Variants in NUP98 observed in about 807,000 individuals in gnomAD.
NUP98 encodes nuclear pore complex protein Nup98-Nup96.
NUP98 carries 26 observed loss-of-function variants against 191.9 expected under a neutral mutation model. The observed-to-expected ratio is 0.14, with a 90% CI of 0.10 to 0.19. The LOEUF (loss-of-function observed/expected upper bound fraction) is 0.19. NUP98 is among the 10% of genes least tolerant of loss of function. The pLI is 1.00. For missense variants in NUP98, 1,941 were observed against 2,178.8 expected (o/e 0.89, Z 2.17); for synonymous variants, 808 against 778.4 (o/e 1.04, Z -0.63).
intron 28 of NUP98, among the ~76,000 whole-genome samples, chr11:3,689,513 C>A: frequency 6.6e-6 from 1 of 151,672 alleles, no homozygotes; most frequent in African/African-American, 2.4e-5. Flanking sequence ...GGCAACTGAG[C>A]AAGAGAGTCT....
At chr11:3,766,661 C>T (rs1050821595) in intron 8 of NUP98, among the ~76,000 whole-genome samples, 2 of 146,458 alleles carry the variant, frequency 1.4e-5, no homozygotes, top group Non-Finnish European at 3.0e-5. Context: ...TACACTCCAG[C>T]CTGGGCGACA....
intron 8 of NUP98, among the ~76,000 whole-genome samples, chr11:3,766,237 T>C (rs1029282018): frequency 6.6e-6 from 1 of 151,982 alleles, no homozygotes; most frequent in Admixed American, 6.6e-5. Context: ...TAGCTGGACA[T>C]GGTGGTGCAC....
At position 3,675,421 on chromosome 11, in the gene NUP98, G is replaced by T. The variant is rs147341580; in HGVS notation, c.*738C>A. On this transcript the variant is annotated 3_prime_UTR_variant, in exon 33 of 33. Coordinates refer to ENST00000324932, the MANE Select transcript of NUP98 (RefSeq NM_016320.5). ...GCAGGCAAATCCAGACAGAGTCTCA[G>T]CAAGACTGAAAACCAGGGACCAAAC... 9 of 226,512 alleles carry T rather than the reference G, an allele frequency of 4.0e-5. No homozygotes were observed. Among genetic ancestry groups the T allele is most frequent in the Non-Finnish European group, 7.0e-5 (8 of 113,898 alleles). The allele number at this position is 226,512 out of a possible 1,614,324, so 14.0% of individuals were successfully genotyped here. A position where few individuals can be genotyped will look rare whatever the true frequency, so the allele number is the denominator to read the frequency against.
chr11:3,764,698 C>T (rs953182062), intron 8 of NUP98, among the ~76,000 whole-genome samples: 2 of 152,166 alleles, frequency 1.3e-5, no homozygotes, highest in African/African-American at 4.8e-5. Context: ...CCTGCCTCAG[C>T]CCCCTGAGTA....
chr11:3,697,578 G>A (rs2078547450), intron 25 of NUP98, among the ~76,000 whole-genome samples: 1 of 152,124 alleles, frequency 6.6e-6, no homozygotes, highest in Non-Finnish European at 1.5e-5. Flanking sequence ...GGAGGCCAAA[G>A]TGGGTGGATC....
Position 3,723,175 on chromosome 11 carries a change from A to T in NUP98, c.2128T>A (p.Tyr710Asn), listed in dbSNP as rs1357929840. The T allele has an allele frequency of 6.2e-7, 1 of 1,614,004 alleles. No individual in the cohort carries two copies. Among genetic ancestry groups the T allele is most frequent in the African/African-American group, 1.3e-5 (1 of 74,930 alleles). Reference protein sequence around the residue: ...DDREEIENNSYHMHPAGIILT... With the variant: ...DDREEIENNSNHMHPAGIILT... The stretch of plus-strand genomic sequence containing the variant: ...ACCTGACCTGCTGGGTGCATATGGT[A>T]AGAATTATTTTCTATTTCTTCTCGG... The change falls in exon 16 of 33, where the codon TAC (tyrosine) becomes AAC (asparagine). Residue 710 changes from tyrosine to asparagine, a missense_variant. Around this residue, in one of 6 missense-constraint regions of NUP98, gnomAD observed 453 missense variants for 438.2 expected, o/e 1.03. Coordinates refer to ENST00000324932, the MANE Select transcript of NUP98 (RefSeq NM_016320.5).
intron 1 of NUP98, among the ~76,000 whole-genome samples, chr11:3,796,852 C>G (rs1347893782): frequency 1.3e-5 from 2 of 152,226 alleles, no homozygotes. Flanking sequence ...CCTCATCTGG[C>G]TTTACACTGA....
intron 10 of NUP98, 35 bp from the exon 11 acceptor site, chr11:3,753,443 T>C (rs773197059): frequency 2.0e-6 from 3 of 1,503,806 alleles, no homozygotes; most frequent in African/African-American, 1.4e-5. Flanking sequence ...ATTGTACTTT[T>C]AATATAACTC....
At chr11:3,714,512 T>C (rs1389584333) in intron 18 of NUP98, among the ~76,000 whole-genome samples, 1 of 152,186 alleles carries the variant, frequency 6.6e-6, no homozygotes, top group Non-Finnish European at 1.5e-5. Flanking sequence ...TTTGTATGCC[T>C]TACATCTAAA....
intron 18 of NUP98, among the ~76,000 whole-genome samples, chr11:3,719,158 GAAATA>G (rs1447825445): frequency 4.6e-5 from 7 of 151,482 alleles, no homozygotes; most frequent in African/African-American, 7.3e-5. Flanking sequence ...GAAATGAAAT[GAAATA>G]AAATAGAATA....
At chr11:3,697,099 T>C (rs1272607544) in intron 25 of NUP98, 1 of 151,920 alleles carries the variant, frequency 6.6e-6, no homozygotes, top group Non-Finnish European at 1.5e-5. Flanking sequence ...ACTGTACAAA[T>C]GCACAAAGAC....
chr11:3,735,055 T>G (rs2079994405), intron 13 of NUP98, 136 bp downstream of exon 13: 2 of 765,364 alleles, frequency 2.6e-6, no homozygotes, highest in East Asian at 3.1e-5. Context: ...CCCGGCTGAG[T>G]GAAATAATAT....
chr11:3,683,462 G>T (rs758819698), intron 29 of NUP98, 21 bp from the exon 30 acceptor site: 1 of 1,612,910 alleles, frequency 6.2e-7, no homozygotes, highest in Non-Finnish European at 8.5e-7. Context: ...AGATAAGCTA[G>T]AATAAATCCC....
At chr11:3,767,385 T>A (rs1195008965) in intron 8 of NUP98, among the ~76,000 whole-genome samples, 1 of 151,966 alleles carries the variant, frequency 6.6e-6, no homozygotes, top group Admixed American at 6.6e-5. Context: ...TGGAGTGCCA[T>A]GGAGCAATCT....
intron 25 of NUP98, chr11:3,696,607 G>C (rs11029109): frequency 0.073 from 11,063 of 151,972 alleles, 416 homozygotes; most frequent in Middle Eastern, 0.11. Context: ...TCAGGAGTTC[G>C]AGACCAGCCT....
intron 5 of NUP98, among the ~76,000 whole-genome samples, chr11:3,775,469 G>C (rs2081683764): frequency 6.6e-6 from 1 of 151,910 alleles, no homozygotes; most frequent in African/African-American, 2.4e-5. Flanking sequence ...CCAGGAGGTA[G>C]AGGTTGCAGT....
At chr11:3,763,114 A>T (rs117050509) in intron 8 of NUP98, 75 bp from the exon 9 acceptor site, 42,783 of 1,442,500 alleles carry the variant, frequency 0.03, 775 homozygotes, top group Non-Finnish European at 0.036. Flanking sequence ...AATAAAAAAA[A>T]AGTTACCATT....
At chr11:3,791,856 A>G (rs1272113812) in intron 1 of NUP98, among the ~76,000 whole-genome samples, 3 of 150,820 alleles carry the variant, frequency 2.0e-5, no homozygotes, top group Admixed American at 6.6e-5. Flanking sequence ...AAAAAAAAAA[A>G]AAATTTTGAT....
At chr11:3,689,940 A>ATTT (rs989043726) in intron 28 of NUP98, among the ~76,000 whole-genome samples, 5 of 73,572 alleles carry the variant, frequency 6.8e-5, no homozygotes, top group African/African-American at 5.8e-5. Context: ...GCTGGCCTGC[A>ATTT]TTTTTTTTTT....
Sources: gnomAD v4.1 joint callset for allele counts (sites outside exome capture counted in the v4.1 genomes callset) on GRCh38, gnomAD v4.1.1 for gene constraint, gnomAD v4.1.1 regional missense constraint, MANE v1.5 for transcripts, NCBI Gene and HGNC (gene_info 2026-07-23, HGNC 2026-07-21) for gene names.